Variants in MAST2 observed in about 807,000 individuals in gnomAD.
The protein encoded by MAST2 is microtubule associated serine/threonine kinase 2, also known as microtubule-associated serine/threonine-protein kinase 2.
In MAST2, 70 loss-of-function variants were observed where a neutral mutation model predicts 147.4. That is an observed-to-expected ratio of 0.47 (90% CI 0.39 to 0.58). The LOEUF (loss-of-function observed/expected upper bound fraction) is 0.58, where lower values mean the gene tolerates loss of function less well. Among genes scored for constraint, MAST2 ranks in the 20% least tolerant of loss-of-function variants. The pLI is 0.00. For synonymous variants in MAST2, 869 were observed against 896.8 expected (o/e 0.97, Z 0.55); for missense variants, 2,080 against 2,302.3 (o/e 0.90, Z 1.98).
In MAST2 at chr1:46,035,810, C is replaced by A. The variant is rs1266812634; in HGVS notation, c.5141C>A (p.Ala1714Asp). 1 of 1,614,110 alleles carries A rather than the reference C, an allele frequency of 6.2e-7. No homozygotes were observed. Among genetic ancestry groups the A allele is most frequent in the Non-Finnish European group, 8.5e-7 (1 of 1,180,028 alleles). The change falls in exon 29 of 29, where the codon GCC becomes GAC. Residue 1714 changes from alanine to aspartate, a missense_variant. By Grantham distance (126) the Ala-to-Asp change is moderately radical. Transcript: ENST00000361297. This position sits in a 1 kb window ranked among gnomAD's most constrained non-coding sequence, Gnocchi z 5.5. The part of the protein sequence containing the change: ...KTQPPSAPRL[A>D]HPSYEDPSQG... ...CAGCCACCTAGTGCCCCCAGACTGG[C>A]CCATCCATCTTATGAGGATCCCAGC... is the stretch of plus-strand genomic sequence containing the variant.
At chr1:45,998,235 G>A (rs1367102467) in intron 6 of MAST2, among the ~76,000 whole-genome samples, 1 of 152,102 alleles carries the variant, frequency 6.6e-6, no homozygotes, top group African/African-American at 2.4e-5. Flanking sequence ...CAGCTGAAAG[G>A]GCTCTTTGTG....
chr1:45,813,185 G>A (rs987116874), intron 1 of MAST2, among the ~76,000 whole-genome samples: 1 of 151,890 alleles, frequency 6.6e-6, no homozygotes, highest in Non-Finnish European at 1.5e-5. Flanking sequence ...AGGGAATAGT[G>A]ACAAGAAAAA....
At chr1:45,883,097 A>G (rs1485121277) in intron 4 of MAST2, among the ~76,000 whole-genome samples, 2 of 152,188 alleles carry the variant, frequency 1.3e-5, no homozygotes, top group African/African-American at 4.8e-5. Flanking sequence ...TACCTAAAAC[A>G]TACTCATATT....
chr1:45,930,306 C>T (rs1407348658), intron 4 of MAST2, among the ~76,000 whole-genome samples: 1 of 152,138 alleles, frequency 6.6e-6, no homozygotes, highest in Non-Finnish European at 1.5e-5. Flanking sequence ...ATCTTGAACT[C>T]CTGACCTCAT....
rs115089366 is a variant in MAST2, at chr1:45,883,501, T to C, written c.500+1106T>C. ...TGCCATTTAACTAGCTTTGTAAACC[T>C]AGACAAATCACTTTATCTTCTTAAA... On this transcript the variant is annotated intron_variant, in intron 4 of 28. Coordinates refer to ENST00000361297, the MANE Select transcript of MAST2 (RefSeq NM_015112.3). 2.0e-3 allele frequency among the ~76,000 whole-genome samples: 300 copies of C among 152,340 alleles called. 1 individual carries two copies. The highest frequency in any genetic ancestry group is 7.1e-3 in the African/African-American group (297 of 41,574).
chr1:45,820,850 T>C lies in MAST2; in HGVS notation c.178-3583T>C, dbSNP rs1295393109. 1.4e-4 allele frequency among the ~76,000 whole-genome samples: 18 copies of C among 129,210 alleles called. 1 individual carries two copies. The East Asian group carries it at 3.7e-3, about 27-fold the overall frequency. The allele number at this position is 129,210 out of a possible 152,430, so 84.8% of individuals were successfully genotyped here. On this transcript the variant is annotated intron_variant, in intron 1 of 28. Transcript: ENST00000361297. ...CTCTGTCTGCTTTTTTTTTTTTTTT[T>C]CTTAATCTGAAAATGCCTCGATTTC...
intron 3 of MAST2, among the ~76,000 whole-genome samples, chr1:45,837,214 A>G (rs1645129270): frequency 6.6e-6 from 1 of 152,190 alleles, no homozygotes; most frequent in Admixed American, 6.5e-5. Flanking sequence ...CTAACAGGCC[A>G]TGGACCTGGT....
At chr1:45,965,310 A>T (rs1661021155) in intron 5 of MAST2, among the ~76,000 whole-genome samples, 1 of 152,160 alleles carries the variant, frequency 6.6e-6, no homozygotes, top group African/African-American at 2.4e-5. Context: ...TCTAATGTTG[A>T]CAGTGGGGTG....
intron 5 of MAST2, among the ~76,000 whole-genome samples, chr1:45,984,437 C>T (rs1384222311): frequency 1.3e-5 from 2 of 151,482 alleles, no homozygotes; most frequent in African/African-American, 2.4e-5. Flanking sequence ...CAACTAAGTA[C>T]GACCACAGAT....
At chr1:46,019,434 C>T (rs765200485) in intron 10 of MAST2, among the ~76,000 whole-genome samples, 162 bp from the exon 11 acceptor site, 7 of 152,158 alleles carry the variant, frequency 4.6e-5, no homozygotes, top group South Asian at 4.2e-4. Context: ...ATGAGCAACT[C>T]GCTCCCTCTC....
chr1:45,817,479 A>G (rs902709480), intron 1 of MAST2, among the ~76,000 whole-genome samples: 6 of 152,218 alleles, frequency 3.9e-5, no homozygotes, highest in African/African-American at 1.4e-4. Context: ...ATATCTGGTG[A>G]AAATATTCTT....
chr1:46,006,714 T>G (rs1645502337), intron 8 of MAST2: 1 of 192,800 alleles, frequency 5.2e-6, no homozygotes, highest in Non-Finnish European at 1.1e-5. Flanking sequence ...AAGCTATTTT[T>G]GGCTTCAGGT....
chr1:45,893,262 T>A (rs1648150164), intron 4 of MAST2, among the ~76,000 whole-genome samples: 1 of 152,156 alleles, frequency 6.6e-6, no homozygotes, highest in Non-Finnish European at 1.5e-5. Flanking sequence ...GTGCAGTGGC[T>A]CTGTCATAGC....
intron 5 of MAST2, among the ~76,000 whole-genome samples, chr1:45,992,274 A>G (rs765847620): frequency 1.2e-4 from 19 of 152,290 alleles, no homozygotes; most frequent in Admixed American, 3.3e-4. Flanking sequence ...GATTTAGTCA[A>G]GTGCTTTTTC....
At chr1:45,973,739 C>T (rs1174215461) in intron 5 of MAST2, among the ~76,000 whole-genome samples, 1 of 152,114 alleles carries the variant, frequency 6.6e-6, no homozygotes, top group Non-Finnish European at 1.5e-5. Context: ...ATATAGTGTC[C>T]TGGAAACCAC....
chr1:45,873,202 T>TTC (rs1646469274), intron 3 of MAST2, among the ~76,000 whole-genome samples: 1 of 147,614 alleles, frequency 6.8e-6, no homozygotes, highest in African/African-American at 2.5e-5. Context: ...TTTTTTTTTT[T>TTC]CTCTTTTTTG....
rs552085771 is a variant in MAST2 at position 45,846,686 on chromosome 1, G to T, written c.468+17105G>T. On this transcript the variant is annotated intron_variant, in intron 3 of 28. Coordinates refer to ENST00000361297, the MANE Select transcript of MAST2 (RefSeq NM_015112.3). ...AAAACACAAAACAAATTAGCTGGGCGTGGTGGCGGGTACCTGTAATCCTAG... is the reference window on the plus strand; with the variant it reads ...AAAACACAAAACAAATTAGCTGGGCTTGGTGGCGGGTACCTGTAATCCTAG... Among the ~76,000 whole-genome samples the T allele has an allele frequency of 4.6e-5, 7 of 152,110 alleles. No homozygotes were observed. The East Asian group carries it at 9.7e-4, about 21-fold the overall frequency.
intron 4 of MAST2, among the ~76,000 whole-genome samples, chr1:45,911,653 C>T (rs749614524): frequency 7.2e-5 from 11 of 151,752 alleles, no homozygotes; most frequent in Non-Finnish European, 1.5e-4. Flanking sequence ...TTCTACTTAC[C>T]ATTGGCATGA....
intron 4 of MAST2, among the ~76,000 whole-genome samples, chr1:45,917,079 A>AAAAAAT (rs1356478777): frequency 6.6e-6 from 1 of 152,256 alleles, no homozygotes; most frequent in South Asian, 2.1e-4. Context: ...ACTCTGTCTC[A>AAAAAAT]AAAAATAAAA....
Sources: allele counts gnomAD v4.1 joint callset (sites outside exome capture counted in the v4.1 genomes callset), GRCh38; gene constraint gnomAD v4.1.1; non-coding constraint Gnocchi (gnomAD v3.1); transcripts MANE v1.5; gene names NCBI Gene and HGNC (gene_info 2026-07-23, HGNC 2026-07-21).